VPS8: variants seen among roughly 807,000 people sequenced by gnomAD.
VPS8 encodes vacuolar protein sorting-associated protein 8 homolog.
In VPS8, 129 loss-of-function variants were observed where a neutral mutation model predicts 216.4. The observed-to-expected ratio is 0.60, with a 90% CI of 0.52 to 0.69. The LOEUF (loss-of-function observed/expected upper bound fraction) is 0.69. Among genes scored for constraint, VPS8 ranks in the 30% least tolerant of loss-of-function variants. VPS8 has a pLI of 0.00. For missense variants in VPS8, 1,531 were observed against 1,683.5 expected (o/e 0.91, Z 1.59); for synonymous variants, 571 against 565.4 (o/e 1.01, Z -0.14).
In VPS8 at chr3:184,860,041, A is replaced by G. The variant is rs761716977; in HGVS notation, c.1200A>G (p.Leu400=). The part of the protein sequence containing the change: ...IHVTKQKHLH[L]YYDLINFTWI... The stretch of plus-strand genomic sequence containing the variant: ...TTACTAAGCAAAAGCATCTTCACCT[A>G]TACTATGACCTCATCAACTTTACCG... The change falls in exon 15 of 48, where the codon CTA becomes CTG. Residue 400 remains leucine (L), a synonymous_variant. Transcript: ENST00000625842. 6 of 1,612,748 alleles carry G rather than the reference A, an allele frequency of 3.7e-6. No homozygotes were observed. The highest frequency in any genetic ancestry group is 2.2e-5 in the East Asian group (1 of 44,814).
At position 184,929,689 on chromosome 3, in the gene VPS8, T is replaced by C. The variant is rs747418868; in HGVS notation, c.2799+25T>C. 1.3e-5 allele frequency: 18 copies of C among 1,364,510 alleles called. No homozygotes were observed. In the East Asian group the frequency reaches 4.1e-4, roughly 31 times the overall value. The allele number at this position is 1,364,510 out of a possible 1,614,324, so 84.5% of individuals were successfully genotyped here. The stretch of plus-strand genomic sequence containing the variant: ...GGTGAGTCAAGATACTGCTTTACTC[T>C]TTTTTCTTACTCAACTTTCCCTCTT... On this transcript the variant is annotated intron_variant, in intron 33 of 47. Coordinates refer to ENST00000625842, the MANE Select transcript of VPS8 (RefSeq NM_001009921.3).
intron 46 of VPS8, among the ~76,000 whole-genome samples, chr3:185,028,944 T>A (rs1282166136): frequency 6.6e-6 from 1 of 152,210 alleles, no homozygotes; most frequent in African/African-American, 2.4e-5. Context: ...CCTGGTGGTT[T>A]ATGAGAAGTG....
At chr3:184,848,758 G>T (rs986670808) in intron 8 of VPS8, among the ~76,000 whole-genome samples, 1 of 151,470 alleles carries the variant, frequency 6.6e-6, no homozygotes, top group African/African-American at 2.4e-5. Flanking sequence ...TAGTAGAGTC[G>T]GGGTTTCACC....
At chr3:184,993,114 A>T (rs1440342321) in intron 42 of VPS8, among the ~76,000 whole-genome samples, 2 of 152,148 alleles carry the variant, frequency 1.3e-5, no homozygotes, top group Admixed American at 1.3e-4. Flanking sequence ...GAGAAAAAAA[A>T]AGAAATATTT....
intron 40 of VPS8, among the ~76,000 whole-genome samples, chr3:184,981,218 A>G (rs1223952402): frequency 1.3e-5 from 2 of 152,074 alleles, no homozygotes; most frequent in Non-Finnish European, 2.9e-5. Flanking sequence ...GCTGGTAGCA[A>G]TGCTCCAGTG....
intron 46 of VPS8, among the ~76,000 whole-genome samples, chr3:185,039,284 G>A (rs1170952846): frequency 6.6e-6 from 1 of 152,034 alleles, no homozygotes; most frequent in Non-Finnish European, 1.5e-5. Context: ...TAATCCACTT[G>A]TATTGCTATA....
intron 44 of VPS8, among the ~76,000 whole-genome samples, chr3:184,997,312 G>A (rs1752745912): frequency 6.6e-6 from 1 of 152,156 alleles, no homozygotes; most frequent in Admixed American, 6.5e-5. Flanking sequence ...GTGAGACCTT[G>A]GACAAGTTAT....
intron 36 of VPS8, among the ~76,000 whole-genome samples, chr3:184,949,152 C>T (rs1744212413): frequency 6.6e-6 from 1 of 151,954 alleles, no homozygotes; most frequent in Non-Finnish European, 1.5e-5. Context: ...TAAAAATTAG[C>T]AGGGCGTGGT....
chr3:184,949,362 A>T (rs569272993), intron 36 of VPS8, among the ~76,000 whole-genome samples: 1 of 152,232 alleles, frequency 6.6e-6, no homozygotes, highest in East Asian at 1.9e-4. Flanking sequence ...AGGGAAGTGG[A>T]AAGTGACCAA....
intron 45 of VPS8, among the ~76,000 whole-genome samples, chr3:185,017,448 C>T (rs1025402426): frequency 3.9e-5 from 6 of 152,254 alleles, no homozygotes; most frequent in South Asian, 2.1e-4. Context: ...TCCTCCTGTT[C>T]GTTTAATTTC....
intron 29 of VPS8, among the ~76,000 whole-genome samples, chr3:184,922,640 A>G (rs1035559268): frequency 6.6e-6 from 1 of 152,168 alleles, no homozygotes; most frequent in Non-Finnish European, 1.5e-5. Flanking sequence ...TCAATGAAGA[A>G]TGAGATTTTG....
chr3:184,930,683 G>T lies in VPS8; in HGVS notation c.2898+115G>T, dbSNP rs1167791897. ...TATTAAGTTGATTTAATTTAGGGTT[G>T]AAATCTTTTTCGTGTAATTATTCTA... On this transcript the variant is annotated intron_variant, in intron 34 of 47. Coordinates refer to ENST00000625842, the MANE Select transcript of VPS8 (RefSeq NM_001009921.3). The T allele has an allele frequency of 1.8e-5, 13 of 710,460 alleles. No individual in the cohort carries two copies. The Admixed American group carries it at 2.7e-4, about 15-fold the overall frequency. 44.0% of individuals were successfully genotyped at this position (710,460 alleles called of 1,614,324 possible).
intron 37 of VPS8, among the ~76,000 whole-genome samples, chr3:184,961,778 C>CT (rs1746568130): frequency 9.6e-6 from 1 of 103,774 alleles, no homozygotes; most frequent in Non-Finnish European, 2.1e-5. Flanking sequence ...TGTTTTTGTT[C>CT]TTTTTTTAGA....
chr3:184,843,289 C>A, intron 8 of VPS8, 44 bp downstream of exon 8: 3 of 1,347,302 alleles, frequency 2.2e-6, no homozygotes, highest in Non-Finnish European at 2.9e-6. Flanking sequence ...TTCTTTTGGT[C>A]TTTTTAATGT....
At chr3:184,817,627 T>G (rs1351452649) in intron 1 of VPS8, among the ~76,000 whole-genome samples, 1 of 152,240 alleles carries the variant, frequency 6.6e-6, no homozygotes, top group African/African-American at 2.4e-5. Context: ...TAACTTGGCT[T>G]CTTATGGTAT....
At chr3:184,832,233 T>C (rs1720143478) in intron 3 of VPS8, among the ~76,000 whole-genome samples, 1 of 152,212 alleles carries the variant, frequency 6.6e-6, no homozygotes, top group South Asian at 2.1e-4. Flanking sequence ...TGTCTTTCTG[T>C]GCTGTTTCCT....
chr3:184,861,802 C>T (rs1004723456), intron 15 of VPS8, among the ~76,000 whole-genome samples: 20 of 152,132 alleles, frequency 1.3e-4, no homozygotes, highest in African/African-American at 2.7e-4. Context: ...CTTGTTTTCA[C>T]CAGGTGACCT....
intron 8 of VPS8, 139 bp from the exon 9 acceptor site, chr3:184,848,932 A>G (rs1723713489): frequency 1.4e-5 from 12 of 879,206 alleles, no homozygotes; most frequent in Non-Finnish European, 2.1e-5. Context: ...CTCAATAAAT[A>G]TATTTAAAAA....
At chr3:185,013,067 T>G (rs1316378608) in intron 45 of VPS8, among the ~76,000 whole-genome samples, 2 of 152,250 alleles carry the variant, frequency 1.3e-5, no homozygotes, top group Non-Finnish European at 2.9e-5. Context: ...AACATGTCCT[T>G]AAGACACAGA....
Sources: gnomAD v4.1 joint callset for allele counts (sites outside exome capture counted in the v4.1 genomes callset) on GRCh38, gnomAD v4.1.1 for gene constraint, MANE v1.5 for transcripts, NCBI Gene and HGNC (gene_info 2026-07-23, HGNC 2026-07-21) for gene names.